The following CSRNP3 variants were observed in gnomAD, a reference collection of about 807,000 sequenced individuals.
The protein encoded by CSRNP3 is cysteine and serine rich nuclear protein 3.
A neutral mutation model predicts 48.0 loss-of-function variants in CSRNP3; 12 were observed. That is an observed-to-expected ratio of 0.25 (90% CI 0.16 to 0.41). CSRNP3 has a LOEUF of 0.41. CSRNP3 is among the 10% of genes least tolerant of loss of function. The pLI, the probability that CSRNP3 is intolerant of heterozygous loss-of-function variation, is 1.00. For synonymous variants in CSRNP3, 263 were observed against 269.7 expected (o/e 0.98, Z 0.24); for missense variants, 580 against 724.4 (o/e 0.80, Z 2.29).
At chr2:165,554,019 T>C (rs1685132175) in intron 3 of CSRNP3, among the ~76,000 whole-genome samples, 1 of 152,212 alleles carries the variant, frequency 6.6e-6, no homozygotes, top group South Asian at 2.1e-4. Context: ...TCAAAACTGC[T>C]TGTGAAGATC....
intron 4 of CSRNP3, among the ~76,000 whole-genome samples, chr2:165,618,602 AT>A (rs1686289669): frequency 6.6e-6 from 1 of 152,204 alleles, no homozygotes; most frequent in Non-Finnish European, 1.5e-5. Flanking sequence ...ATTTACACAT[AT>A]TACACAATTT....
intron 3 of CSRNP3, among the ~76,000 whole-genome samples, chr2:165,555,409 G>T (rs1685149076): frequency 6.6e-6 from 1 of 152,174 alleles, no homozygotes; most frequent in Non-Finnish European, 1.5e-5. Flanking sequence ...GGATTCAAAA[G>T]TACAAGCCCA....
At chr2:165,589,503 A>T (rs1290057564) in intron 3 of CSRNP3, among the ~76,000 whole-genome samples, 2 of 152,234 alleles carry the variant, frequency 1.3e-5, no homozygotes, top group African/African-American at 4.8e-5. Context: ...TATGTTAAGA[A>T]TATGACTCCC....
chr2:165,473,976 T>TGATCAACTTCAC (rs1359549191), intron 1 of CSRNP3, among the ~76,000 whole-genome samples: 1 of 152,044 alleles, frequency 6.6e-6, no homozygotes, highest in Admixed American at 6.6e-5. Flanking sequence ...ATCAACTTCA[T>TGATCAACTTCAC]GATCTCATAT....
At chr2:165,501,752 G>A (rs988176234) in intron 2 of CSRNP3, among the ~76,000 whole-genome samples, 1 of 152,070 alleles carries the variant, frequency 6.6e-6, no homozygotes, top group Non-Finnish European at 1.5e-5. Flanking sequence ...TGAGTCAACT[G>A]AAATAGGCCA....
chr2:165,504,459 C>G (rs147178167), intron 2 of CSRNP3, among the ~76,000 whole-genome samples: 1 of 151,898 alleles, frequency 6.6e-6, no homozygotes, highest in African/African-American at 2.4e-5. Flanking sequence ...AACTTAAAAC[C>G]GGCTCAAACT....
intron 3 of CSRNP3, among the ~76,000 whole-genome samples, chr2:165,582,394 T>G (rs1254764775): frequency 6.6e-6 from 1 of 152,174 alleles, no homozygotes; most frequent in Non-Finnish European, 1.5e-5. Context: ...ACCATTCCTG[T>G]CAAGTATTCC....
intron 3 of CSRNP3, among the ~76,000 whole-genome samples, chr2:165,560,089 A>G (rs1303769587): frequency 6.6e-6 from 1 of 151,858 alleles, no homozygotes; most frequent in Non-Finnish European, 1.5e-5. Context: ...GTGAGCCAAT[A>G]TTTTTCTTAA....
chr2:165,647,564 G>C (rs1024134779), intron 4 of CSRNP3, among the ~76,000 whole-genome samples: 1 of 152,148 alleles, frequency 6.6e-6, no homozygotes, highest in Non-Finnish European at 1.5e-5. Context: ...TCTTTAAAAT[G>C]GTTCTCAACA....
In CSRNP3 at chr2:165,486,373, C is replaced by T. The variant is rs1438142998; in HGVS notation, c.-282-8386C>T. Among the ~76,000 whole-genome samples the T allele has an allele frequency of 3.3e-5, 5 of 150,848 alleles. No homozygotes were observed. The South Asian group carries it at 6.3e-4, about 19-fold the overall frequency. On this transcript the variant is annotated intron_variant, in intron 1 of 6. Transcript: ENST00000651982. ...GGCGGCAGCGAGGCTGGGGGAGGGG[C>T]GCCCGCCATTGCCCAGGCTTGCTTA...
At chr2:165,574,257 G>T (rs1235272372) in intron 3 of CSRNP3, 1 of 805,310 alleles carries the variant, frequency 1.2e-6, no homozygotes, top group Non-Finnish European at 2.0e-6. Context: ...GAGAGGAGGG[G>T]GCAGAAGGGA....
intron 2 of CSRNP3, among the ~76,000 whole-genome samples, chr2:165,497,229 A>G (rs925661089): frequency 6.6e-6 from 1 of 152,028 alleles, no homozygotes; most frequent in African/African-American, 2.4e-5. Flanking sequence ...TACTTAAGCT[A>G]TTGAAGAAGG....
intron 1 of CSRNP3, among the ~76,000 whole-genome samples, chr2:165,478,442 T>A (rs1683998643): frequency 6.6e-6 from 1 of 152,228 alleles, no homozygotes; most frequent in Non-Finnish European, 1.5e-5. Context: ...CGTGTACATA[T>A]GTTTAAAAAT....
intron 3 of CSRNP3, among the ~76,000 whole-genome samples, chr2:165,538,664 A>G (rs1265917669): frequency 2.0e-5 from 3 of 151,764 alleles, no homozygotes; most frequent in Non-Finnish European, 4.4e-5. Flanking sequence ...CATTTTTTTC[A>G]TAGTCATCTC....
chr2:165,610,347 TG>T (rs1196500015), intron 4 of CSRNP3, among the ~76,000 whole-genome samples: 1 of 152,202 alleles, frequency 6.6e-6, no homozygotes, highest in Non-Finnish European at 1.5e-5. Flanking sequence ...TATAGTAAGG[TG>T]TACTGCTAAT....
At chr2:165,522,136 C>A (rs1025483890) in intron 3 of CSRNP3, among the ~76,000 whole-genome samples, 7 of 151,900 alleles carry the variant, frequency 4.6e-5, no homozygotes, top group Non-Finnish European at 4.4e-5. Flanking sequence ...ACAAAAAATA[C>A]AAAAAATTAG....
Position 165,499,339 on chromosome 2 carries a change from T to C in CSRNP3, c.-113+4411T>C, listed in dbSNP as rs149413354. On this transcript the variant is annotated intron_variant, in intron 2 of 6. Coordinates refer to ENST00000651982, the MANE Select transcript of CSRNP3 (RefSeq NM_001172173.2). ...TTGCAGATCAGGCAGTCTGATGCTT[T>C]CTGACAGCTTGGGGGAAGAGTATTT... Among the ~76,000 whole-genome samples, 300 of 152,274 alleles carry C rather than the reference T, an allele frequency of 2.0e-3. 1 individual carries two copies. The highest frequency in any genetic ancestry group is 6.6e-3 in the African/African-American group (274 of 41,578).
intron 3 of CSRNP3, among the ~76,000 whole-genome samples, chr2:165,563,340 CAATCACT>C (rs1685258007): frequency 6.6e-6 from 1 of 152,272 alleles, no homozygotes; most frequent in East Asian, 1.9e-4. Flanking sequence ...GGCCATACTT[CAATCACT>C]AATAGACTGC....
chr2:165,475,539 T>C (rs769023221), intron 1 of CSRNP3, among the ~76,000 whole-genome samples: 6 of 152,208 alleles, frequency 3.9e-5, no homozygotes, highest in Non-Finnish European at 7.3e-5. Flanking sequence ...ACTATCTAAA[T>C]TATAGCTCTT....
Sources: gnomAD v4.1 joint callset for allele counts (sites outside exome capture counted in the v4.1 genomes callset) on GRCh38, gnomAD v4.1.1 for gene constraint, MANE v1.5 for transcripts, NCBI Gene and HGNC (gene_info 2026-07-23, HGNC 2026-07-21) for gene names.